The following NOS1AP variants were observed in gnomAD, a reference collection of about 807,000 sequenced individuals.
The protein encoded by NOS1AP is nitric oxide synthase 1 adaptor protein.
A neutral mutation model predicts 56.2 loss-of-function variants in NOS1AP; 21 were observed. The observed-to-expected ratio is 0.37, with a 90% CI of 0.26 to 0.54. NOS1AP has a LOEUF of 0.54. Ranked by LOEUF, NOS1AP falls within the 20% of genes least tolerant of loss-of-function variation. The pLI, the probability that NOS1AP is intolerant of heterozygous loss-of-function variation, is 0.84. For missense variants in NOS1AP, 522 were observed against 657.8 expected (o/e 0.79, Z 2.26); for synonymous variants, 270 against 274.6 (o/e 0.98, Z 0.17).
At chr1:162,153,970 C>CTT (rs141108657) in intron 1 of NOS1AP, among the ~76,000 whole-genome samples, 250 of 138,850 alleles carry the variant, frequency 1.8e-3, no homozygotes, top group African/African-American at 6.0e-3. Context: ...GGTATATATT[C>CTT]TTTTTTTTTT....
intron 2 of NOS1AP, among the ~76,000 whole-genome samples, chr1:162,283,704 A>G (rs185474823): frequency 1.3e-3 from 194 of 152,308 alleles, no homozygotes; most frequent in South Asian, 2.1e-3. Flanking sequence ...CTATTTGTGA[A>G]ACCCCAGACA....
At position 162,178,293 on chromosome 1, in the gene NOS1AP, A is replaced by T. The variant is rs1462186679; in HGVS notation, c.177+23817A>T. Among the ~76,000 whole-genome samples the T allele has an allele frequency of 2.0e-5, 3 of 152,226 alleles. No individual in the cohort carries two copies. In the South Asian group the frequency reaches 6.2e-4, roughly 32 times the overall value. On this transcript the variant is annotated intron_variant, in intron 2 of 9. Transcript: ENST00000361897. Reference sequence around the variant, plus strand: ...GCTTCCAAGGTTTGGAATTATGAATAAAGCTGCCAAGAACATCTGTGAGCA... The same window carrying T: ...GCTTCCAAGGTTTGGAATTATGAATTAAGCTGCCAAGAACATCTGTGAGCA...
intron 1 of NOS1AP, among the ~76,000 whole-genome samples, chr1:162,141,802 G>A (rs765600276): frequency 1.3e-4 from 20 of 152,168 alleles, no homozygotes; most frequent in Non-Finnish European, 2.4e-4. Flanking sequence ...TTGTGATGCT[G>A]CTGCCGATGT....
intron 2 of NOS1AP, among the ~76,000 whole-genome samples, chr1:162,282,071 G>T (rs1654950871): frequency 6.6e-6 from 1 of 152,326 alleles, no homozygotes; most frequent in Admixed American, 6.5e-5. Context: ...TTGCACTCCA[G>T]CCTGGGGGAC....
rs1308450841 is a variant in NOS1AP at position 162,370,321 on chromosome 1, T to A, written c.*2854T>A. The A allele has an allele frequency of 6.6e-6, 1 of 152,208 alleles. No homozygotes were observed. Among genetic ancestry groups the A allele is most frequent in the Non-Finnish European group, 1.5e-5 (1 of 68,048 alleles). 9.4% of individuals were successfully genotyped at this position (152,208 alleles called of 1,614,324 possible). A position where few individuals can be genotyped will look rare whatever the true frequency, so the allele number is the denominator to read the frequency against. On this transcript the variant is annotated 3_prime_UTR_variant, in exon 10 of 10. Coordinates refer to ENST00000361897, the MANE Select transcript of NOS1AP (RefSeq NM_014697.3). Reference sequence around the variant, plus strand: ...TTGCTTGACTGCTTCCTCCTAACCCTCTACCCACTAGCACTCTACTTCCTA... The same window carrying A: ...TTGCTTGACTGCTTCCTCCTAACCCACTACCCACTAGCACTCTACTTCCTA...
intron 3 of NOS1AP, among the ~76,000 whole-genome samples, chr1:162,296,440 T>A (rs1655465547): frequency 6.6e-6 from 1 of 152,206 alleles, no homozygotes; most frequent in African/African-American, 2.4e-5. Context: ...TGAAGGTCTG[T>A]AAAGTGACAG....
At chr1:162,261,510 G>GA (rs1553200083) in intron 2 of NOS1AP, among the ~76,000 whole-genome samples, 510 of 12,102 alleles carry the variant, frequency 0.042, 185 homozygotes, top group African/African-American at 0.13. Flanking sequence ...GAGAGAGAGA[G>GA]AGAGAGAGAG....
At chr1:162,257,699 A>G (rs565893864) in intron 2 of NOS1AP, among the ~76,000 whole-genome samples, 2 of 151,384 alleles carry the variant, frequency 1.3e-5, no homozygotes, top group Non-Finnish European at 3.0e-5. Context: ...GTACACATGT[A>G]AACACTGTCA....
chr1:162,128,158 A>G (rs933583579), intron 1 of NOS1AP, among the ~76,000 whole-genome samples: 15 of 152,038 alleles, frequency 9.9e-5, no homozygotes, highest in African/African-American at 3.6e-4. Context: ...AATGTAATTC[A>G]TATCTTTCAT....
intron 1 of NOS1AP, among the ~76,000 whole-genome samples, chr1:162,120,694 C>A (rs1571030138): frequency 6.6e-6 from 1 of 152,192 alleles, no homozygotes; most frequent in Admixed American, 6.5e-5. Flanking sequence ...ACCGCCCCCC[C>A]CATGATTCGA....
chr1:162,297,293 C>A (rs72718107), intron 3 of NOS1AP, among the ~76,000 whole-genome samples: 40,933 of 151,854 alleles, frequency 0.27, 6,172 homozygotes, highest in East Asian at 0.45. Flanking sequence ...AGCAGACTGT[C>A]CTGATGGTAA....
intron 3 of NOS1AP, among the ~76,000 whole-genome samples, chr1:162,288,416 T>C (rs1557864294): frequency 6.6e-6 from 1 of 151,482 alleles, no homozygotes; most frequent in Non-Finnish European, 1.5e-5. Context: ...AGGGAGAGAG[T>C]GTGGAGGTTA....
chr1:162,074,681 G>A (rs1691732644), intron 1 of NOS1AP, among the ~76,000 whole-genome samples: 1 of 152,196 alleles, frequency 6.6e-6, no homozygotes, highest in African/African-American at 2.4e-5. Flanking sequence ...TATGAATCAT[G>A]GCTCAGGAAT....
chr1:162,265,463 G>T (rs565154048), intron 2 of NOS1AP, among the ~76,000 whole-genome samples: 3 of 147,276 alleles, frequency 2.0e-5, no homozygotes, highest in Admixed American at 7.1e-5. Flanking sequence ...CCATCTATGA[G>T]TGAGAACATG....
At chr1:162,354,551 C>T (rs1657629879) in intron 6 of NOS1AP, among the ~76,000 whole-genome samples, 1 of 152,198 alleles carries the variant, frequency 6.6e-6, no homozygotes, top group African/African-American at 2.4e-5. Context: ...AAAGCAGCCA[C>T]CCCATCTCTC....
chr1:162,202,109 G>GA (rs1434740686), intron 2 of NOS1AP, among the ~76,000 whole-genome samples: 2 of 152,152 alleles, frequency 1.3e-5, no homozygotes, highest in Non-Finnish European at 2.9e-5. Flanking sequence ...TGTGGTCCCA[G>GA]AAAACCTAAC....
At chr1:162,339,498 C>A (rs1190999607) in intron 5 of NOS1AP, among the ~76,000 whole-genome samples, 1 of 152,014 alleles carries the variant, frequency 6.6e-6, no homozygotes, top group East Asian at 1.9e-4. Context: ...CCCTTTGTAC[C>A]TCACTGCCTT....
At chr1:162,155,454 T>TAG (rs1227280783) in intron 2 of NOS1AP, among the ~76,000 whole-genome samples, 2,085 of 143,906 alleles carry the variant, frequency 0.014, 22 homozygotes, top group African/African-American at 0.029. Context: ...TATATATATA[T>TAG]ATAGAGAGAG....
At chr1:162,203,110 C>CTG (rs1234391387) in intron 2 of NOS1AP, among the ~76,000 whole-genome samples, 1 of 152,138 alleles carries the variant, frequency 6.6e-6, no homozygotes, top group Non-Finnish European at 1.5e-5. Context: ...TCAGAGGAAC[C>CTG]TGCTCATTTC....
Sources: gnomAD v4.1 joint callset for allele counts (sites outside exome capture counted in the v4.1 genomes callset) on GRCh38, gnomAD v4.1.1 for gene constraint, MANE v1.5 for transcripts, NCBI Gene and HGNC (gene_info 2026-07-23, HGNC 2026-07-21) for gene names.